The following UBASH3A variants were observed in gnomAD, a reference collection of about 807,000 sequenced individuals.
UBASH3A encodes the protein ubiquitin associated and SH3 domain containing A, also known as ubiquitin-associated and SH3 domain-containing protein A.
In UBASH3A, 63 loss-of-function variants were observed where a neutral mutation model predicts 73.5. The observed-to-expected ratio is 0.86, with a 90% confidence interval of 0.70 to 1.06. The LOEUF (loss-of-function observed/expected upper bound fraction) is 1.06. UBASH3A is among the 50% of genes least tolerant of loss of function. The probability of loss-of-function intolerance (pLI) is 0.00; values close to 1 mark genes in which losing one functional copy is unlikely to be tolerated. For synonymous variants in UBASH3A, 363 were observed against 351.1 expected (o/e 1.03, Z -0.38); for missense variants, 860 against 859.0 (o/e 1.00, Z -0.02).
At chr21:42,423,439 C>T (rs148732648) in intron 7 of UBASH3A, among the ~76,000 whole-genome samples, 227 of 152,314 alleles carry the variant, frequency 1.5e-3, no homozygotes, top group African/African-American at 5.3e-3. Flanking sequence ...TTCTTGCAAG[C>T]TCAGTTCACC....
Position 42,409,502 on chromosome 21 carries a change from C to T in UBASH3A, c.248C>T (p.Pro83Leu), listed in dbSNP as rs1285478462. The change falls in exon 3 of 15, where the codon CCC (proline) becomes CTC (leucine). Residue 83 changes from proline (P) to leucine (L), a missense_variant. Pro to Leu is a moderately conservative substitution (Grantham distance 98). Transcript: ENST00000319294. ...GCCCTTTTCCTCTGTCCAACGGGGC[C>T]CCTGCTGGAAAAACTTCAAGAGTTC... is the stretch of plus-strand genomic sequence containing the variant. ...EYALFLCPTG[P>L]LLEKLQEFWR... The T allele has an allele frequency of 6.2e-7, 1 of 1,614,126 alleles. No individual in the cohort carries two copies. Among genetic ancestry groups the T allele is most frequent in the East Asian group, 2.2e-5 (1 of 44,888 alleles).
At chr21:42,439,778 C>T (rs1405077649) in intron 11 of UBASH3A, among the ~76,000 whole-genome samples, 4 of 141,358 alleles carry the variant, frequency 2.8e-5, no homozygotes, top group Admixed American at 2.8e-4. Flanking sequence ...TACACATACA[C>T]ACCACACACC....
rs567797825 is a variant in UBASH3A at position 42,410,058 on chromosome 21, A to G, written c.354+450A>G. The stretch of plus-strand genomic sequence containing the variant: ...GTGCTTCCAAAATGTGTGGTAAGTC[A>G]ACTCAAGGATGGGTGATTGTTGGCT... On this transcript the variant is annotated intron_variant, in intron 3 of 14. Transcript: ENST00000319294. The G allele has an allele frequency of 1.4e-5, 10 of 701,906 alleles. No homozygotes were observed. The South Asian group carries it at 1.5e-4, about 10-fold the overall frequency. 43.5% of individuals were successfully genotyped at this position (701,906 alleles called of 1,614,324 possible). A position where few individuals can be genotyped will look rare whatever the true frequency, so the allele number is the denominator to read the frequency against.
At chr21:42,422,097 A>G (rs2053347560) in intron 7 of UBASH3A, among the ~76,000 whole-genome samples, 1 of 152,186 alleles carries the variant, frequency 6.6e-6, no homozygotes, top group Non-Finnish European at 1.5e-5. Flanking sequence ...CACTAAACAT[A>G]ATAGCCACTT....
At chr21:42,445,124 C>A (rs991900734) in intron 14 of UBASH3A, among the ~76,000 whole-genome samples, 2 of 152,190 alleles carry the variant, frequency 1.3e-5, no homozygotes, top group African/African-American at 4.8e-5. Context: ...CTGGCAAGGG[C>A]CTTGTGAATG....
intron 5 of UBASH3A, among the ~76,000 whole-genome samples, chr21:42,414,648 A>G (rs993058252): frequency 2.6e-5 from 4 of 152,166 alleles, no homozygotes; most frequent in African/African-American, 9.7e-5. Flanking sequence ...CAGAGAAGCC[A>G]TGTGCCGACT....
At chr21:42,440,438 A>G (rs2053721607) in intron 11 of UBASH3A, among the ~76,000 whole-genome samples, 1 of 152,238 alleles carries the variant, frequency 6.6e-6, no homozygotes, top group African/African-American at 2.4e-5. Context: ...TATAATCATA[A>G]GATGTGAACC....
chr21:42,404,125 C>A, intron 1 of UBASH3A, 67 bp downstream of exon 1: 1 of 905,208 alleles, frequency 1.1e-6, no homozygotes, highest in Non-Finnish European at 1.5e-6. Context: ...CTGCGGCCCC[C>A]GGCATGGAGC....
intron 10 of UBASH3A, among the ~76,000 whole-genome samples, chr21:42,436,933 C>T (rs11909907): frequency 0.065 from 9,891 of 152,312 alleles, 567 homozygotes; most frequent in African/African-American, 0.15. Flanking sequence ...TGCTGAAGGT[C>T]TTAAAGCCTG....
chr21:42,443,505 T>G (rs1315965608), intron 13 of UBASH3A, 87 bp downstream of exon 13: 5 of 1,159,462 alleles, frequency 4.3e-6, no homozygotes, highest in Non-Finnish European at 6.0e-6. Context: ...TTTCTGAACC[T>G]ATGAATGCCC....
intron 7 of UBASH3A, among the ~76,000 whole-genome samples, chr21:42,419,390 T>G (rs1052240549): frequency 6.6e-6 from 1 of 152,214 alleles, no homozygotes; most frequent in African/African-American, 2.4e-5. Flanking sequence ...GTGATACACT[T>G]AACACTTTGT....
At position 42,410,212 on chromosome 21, in the gene UBASH3A, G is replaced by C. The variant is rs893366138; in HGVS notation, c.354+604G>C. 4.3e-6 allele frequency: 3 copies of C among 699,902 alleles called. No individual in the cohort carries two copies. In the African/African-American group the frequency reaches 5.3e-5, roughly 12 times the overall value. The allele number at this position is 699,902 out of a possible 1,614,324, so 43.4% of individuals were successfully genotyped here. A position where few individuals can be genotyped will look rare whatever the true frequency, so the allele number is the denominator to read the frequency against. On this transcript the variant is annotated intron_variant, in intron 3 of 14. Transcript: ENST00000319294. ...GGCAGCTCTACAGGGGCACCGGGAA[G>C]ACAAGAAGAATGTGGGAGCTGCTCA...
intron 11 of UBASH3A, among the ~76,000 whole-genome samples, chr21:42,438,683 G>A (rs372230976): frequency 2.0e-5 from 3 of 152,138 alleles, no homozygotes; most frequent in East Asian, 3.9e-4. Flanking sequence ...CGAGGAGGCC[G>A]AGCACGGGGG....
In UBASH3A at chr21:42,413,147, T is replaced by C. The variant is rs1055550712; in HGVS notation, c.478T>C (p.Phe160Leu). Reference sequence around the variant, plus strand: ...CTCCTCCATCAGCTACCTCGGCTTCTTCGTCAGTGGCAGCCCCGCAGACGT... The same window carrying C: ...CTCCTCCATCAGCTACCTCGGCTTCCTCGTCAGTGGCAGCCCCGCAGACGT... ...LHSSISYLGF[F>L]VSGSPADVIR... Residue 160 changes from phenylalanine (F) to leucine (L), a missense_variant, in exon 4 of 15, where the codon TTC becomes CTC. By Grantham distance (22) the Phe-to-Leu change is conservative. Transcript: ENST00000319294. This position sits in a 1 kb window ranked among gnomAD's most constrained non-coding sequence, Gnocchi z 4.5. 1 of 1,614,196 alleles carries C rather than the reference T, an allele frequency of 6.2e-7. No individual in the cohort carries two copies. The highest frequency in any genetic ancestry group is 8.5e-7 in the Non-Finnish European group (1 of 1,180,044).
intron 14 of UBASH3A, among the ~76,000 whole-genome samples, chr21:42,446,269 A>T (rs1376271691): frequency 6.6e-6 from 1 of 152,146 alleles, no homozygotes; most frequent in Admixed American, 6.5e-5. Context: ...GGACTTGCTC[A>T]TGCATATCAG....
intron 8 of UBASH3A, among the ~76,000 whole-genome samples, chr21:42,429,050 T>C (rs2146561405): frequency 6.6e-6 from 1 of 152,198 alleles, no homozygotes; most frequent in East Asian, 1.9e-4. Context: ...ATCACAAGTG[T>C]GCTGATGAGA....
At chr21:42,412,026 G>C (rs1601560837) in intron 3 of UBASH3A, among the ~76,000 whole-genome samples, 1 of 152,322 alleles carries the variant, frequency 6.6e-6, no homozygotes, top group South Asian at 2.1e-4. Flanking sequence ...GGGAAATTCC[G>C]AGGGCAGCCC....
rs769576941 is a variant in UBASH3A, at chr21:42,447,214, A to G, written c.*20A>G. On this transcript the variant is annotated 3_prime_UTR_variant, in exon 15 of 15. Coordinates refer to ENST00000319294, the MANE Select transcript of UBASH3A (RefSeq NM_018961.4). ...AACTGAGAGCCACGGTGATGTTGTC[A>G]TAACCTCAGAGTGGAGAGGCAGAAA... 7.4e-6 allele frequency: 12 copies of G among 1,611,718 alleles called. No homozygotes were observed. The highest frequency in any genetic ancestry group is 1.7e-5 in the Admixed American group (1 of 59,560).
At chr21:42,412,204 G>A (rs76476962) in intron 3 of UBASH3A, among the ~76,000 whole-genome samples, 170 of 152,312 alleles carry the variant, frequency 1.1e-3, no homozygotes, top group African/African-American at 3.7e-3. Context: ...GAGAGGCTGC[G>A]TCTGGCTGGA....
Sources: allele counts gnomAD v4.1 joint callset (sites outside exome capture counted in the v4.1 genomes callset), GRCh38; gene constraint gnomAD v4.1.1; non-coding constraint Gnocchi (gnomAD v3.1); transcripts MANE v1.5; gene names NCBI Gene and HGNC (gene_info 2026-07-23, HGNC 2026-07-21).